TUSC3: variants seen among roughly 807,000 people sequenced by gnomAD.
TUSC3 encodes tumor suppressor candidate 3.
A neutral mutation model predicts 44.8 loss-of-function variants in TUSC3; 45 were observed. That is an observed-to-expected ratio of 1.00 (90% CI 0.79 to 1.29). The LOEUF (loss-of-function observed/expected upper bound fraction) is 1.29, where lower values mean the gene tolerates loss of function less well. Among genes scored for constraint, TUSC3 ranks in the 50% most tolerant of loss-of-function variants. TUSC3 has a pLI of 0.00. For synonymous variants in TUSC3, 212 were observed against 152.9 expected (o/e 1.39, Z -2.85); for missense variants, 519 against 437.9 (o/e 1.19, Z -1.65).
intron 1 of TUSC3, among the ~76,000 whole-genome samples, chr8:15,600,178 A>G (rs1388724396): frequency 6.6e-6 from 1 of 151,778 alleles, no homozygotes; most frequent in African/African-American, 2.4e-5. Context: ...GTCCTATAAA[A>G]TTCTAATTCA....
chr8:15,478,039 A>G (rs926875446), intron 1 of TUSC3, among the ~76,000 whole-genome samples: 3 of 151,864 alleles, frequency 2.0e-5, no homozygotes, highest in Non-Finnish European at 4.4e-5. Flanking sequence ...CTCACTGCAA[A>G]CTCTGCCTCC....
At chr8:15,464,678 A>G (rs746699708) in intron 1 of TUSC3, among the ~76,000 whole-genome samples, 11 of 152,202 alleles carry the variant, frequency 7.2e-5, no homozygotes, top group Non-Finnish European at 1.5e-4. Flanking sequence ...TTTAATTTTT[A>G]ACCAAAATGT....
rs777068372 is a variant in TUSC3 at position 15,623,185 on chromosome 8, C to T, written c.244C>T (p.Arg82Ter). The T allele has an allele frequency of 5.0e-6, 8 of 1,613,542 alleles. No homozygotes were observed. The highest frequency in any genetic ancestry group is 5.1e-6 in the Non-Finnish European group (6 of 1,179,736). Residue 82 changes from arginine to a stop codon, truncating the protein, a stop_gained, in exon 2 of 11, where the codon CGA becomes TGA. Coordinates refer to ENST00000503731, the MANE Select transcript of TUSC3 (RefSeq NM_006765.4). LOFTEE classifies it high-confidence loss of function. ...CCGAAAATTTATAAAGGCACCACCTCGAAACTATTCCATGATTGTTATGTT... is the reference window on the plus strand; with the variant it reads ...CCGAAAATTTATAAAGGCACCACCTTGAAACTATTCCATGATTGTTATGTT... The part of the protein sequence containing the change: ...KFRKFIKAPP[R>*]NYSMIVMFTA...
intron 1 of TUSC3, among the ~76,000 whole-genome samples, chr8:15,434,384 G>C (rs7813606): frequency 2.0e-5 from 3 of 151,886 alleles, no homozygotes; most frequent in Non-Finnish European, 4.4e-5. Context: ...TTCTTGCAAC[G>C]CAAATTGTAC....
chr8:15,549,318 C>T lies in TUSC3; in HGVS notation c.138+8750C>T, dbSNP rs547443464. ...CCACCTGAGGAGCTGGGATTACAGG[C>T]GCACGCCACCACATCTGGCTGATTT... is the stretch of plus-strand genomic sequence containing the variant. On this transcript the variant is annotated intron_variant, in intron 1 of 10. Transcript: ENST00000503731. Among the ~76,000 whole-genome samples the T allele has an allele frequency of 7.3e-5, 11 of 151,724 alleles. No individual in the cohort carries two copies. The East Asian group carries it at 1.4e-3, about 19-fold the overall frequency.
At chr8:15,785,583 G>A in the TUSC3 span, among the ~76,000 whole-genome samples, 1 of 151,782 alleles carries the variant, frequency 6.6e-6, no homozygotes, top group Non-Finnish European at 1.5e-5. Flanking sequence ...TTGTTTTAGA[G>A]ATAAGTAAAT....
chr8:15,687,782 T>G (rs1244035100), intron 6 of TUSC3, among the ~76,000 whole-genome samples: 1 of 152,196 alleles, frequency 6.6e-6, no homozygotes, highest in Non-Finnish European at 1.5e-5. Context: ...CATAGATAAA[T>G]AAATCTTTCT....
chr8:15,641,010 A>G (rs1227744061), intron 2 of TUSC3, among the ~76,000 whole-genome samples: 1 of 152,080 alleles, frequency 6.6e-6, no homozygotes, highest in Admixed American at 6.6e-5. Flanking sequence ...CCTCTTTGCC[A>G]TGTATACTGA....
intron 1 of TUSC3, among the ~76,000 whole-genome samples, chr8:15,457,724 T>C (rs556771170): frequency 1.4e-4 from 21 of 148,576 alleles, no homozygotes; most frequent in African/African-American, 5.1e-4. Flanking sequence ...AATAATCTAA[T>C]AAAATAAAAT....
chr8:15,837,112 G>A, the TUSC3 span, among the ~76,000 whole-genome samples: 42 of 152,148 alleles, frequency 2.8e-4, no homozygotes, highest in African/African-American at 9.9e-4. Flanking sequence ...TTGTTCTACT[G>A]TCTGCTGGCA....
At chr8:15,473,441 A>G (rs1228379201) in intron 1 of TUSC3, among the ~76,000 whole-genome samples, 1 of 152,232 alleles carries the variant, frequency 6.6e-6, no homozygotes, top group Admixed American at 6.5e-5. Flanking sequence ...TTGCTCTTCA[A>G]CTTGAAGTCT....
chr8:15,656,467 G>A (rs138405232), intron 3 of TUSC3, among the ~76,000 whole-genome samples: 130 of 152,292 alleles, frequency 8.5e-4, no homozygotes, highest in African/African-American at 3.1e-3. Context: ...CTCCAAGTAA[G>A]TCCAAAAACT....
At chr8:15,601,358 C>G (rs1170468706) in intron 1 of TUSC3, among the ~76,000 whole-genome samples, 2 of 151,588 alleles carry the variant, frequency 1.3e-5, no homozygotes, top group Non-Finnish European at 3.0e-5. Context: ...ATGGAAGGCC[C>G]AAGTGTCTAA....
intron 10 of TUSC3, chr8:15,758,302 TA>T (rs994661367): frequency 1.0e-6 from 1 of 954,806 alleles, no homozygotes; most frequent in Non-Finnish European, 1.2e-6. Flanking sequence ...AAAACTTTTT[TA>T]AAATCAACAT....
intron 1 of TUSC3, among the ~76,000 whole-genome samples, chr8:15,440,095 G>T (rs1265929424): frequency 6.6e-6 from 1 of 152,200 alleles, no homozygotes; most frequent in African/African-American, 2.4e-5. Flanking sequence ...ACTACAAGCT[G>T]AGATAATTGC....
chr8:15,430,611 G>A (rs1799861793), intron 1 of TUSC3, among the ~76,000 whole-genome samples: 1 of 151,446 alleles, frequency 6.6e-6, no homozygotes, highest in South Asian at 2.1e-4. Flanking sequence ...TCAACATAGT[G>A]TTGGAAGTTC....
At chr8:15,564,134 A>G (rs1802580091) in intron 1 of TUSC3, among the ~76,000 whole-genome samples, 1 of 152,114 alleles carries the variant, frequency 6.6e-6, no homozygotes, top group Admixed American at 6.5e-5. Flanking sequence ...TTAAAGTATT[A>G]GTTTAGATTT....
rs543638947 is a variant in TUSC3 at position 15,584,614 on chromosome 8, G to A, written c.139-38466G>A. On this transcript the variant is annotated intron_variant, in intron 1 of 10. Coordinates refer to ENST00000503731, the MANE Select transcript of TUSC3 (RefSeq NM_006765.4). ...GGTAAGAAATGGTAAAGGCTTCCTAGGTAATTGAGTCAATACAGTTTTGAC... is the reference window on the plus strand; with the variant it reads ...GGTAAGAAATGGTAAAGGCTTCCTAAGTAATTGAGTCAATACAGTTTTGAC... Among the ~76,000 whole-genome samples the A allele has an allele frequency of 2.0e-4, 31 of 152,212 alleles. 1 individual carries two copies. The South Asian group carries it at 6.0e-3, about 30-fold the overall frequency.
chr8:15,427,093 A>ATTTTTTTTTTTTATTT (rs1799813248), intron 1 of TUSC3, among the ~76,000 whole-genome samples: 1 of 121,752 alleles, frequency 8.2e-6, no homozygotes. Context: ...TTTTTTTGCC[A>ATTTTTTTTTTTTATTT]TTGATTTGTA....
Sources: allele counts gnomAD v4.1 joint callset (sites outside exome capture counted in the v4.1 genomes callset), GRCh38; gene constraint gnomAD v4.1.1; transcripts MANE v1.5; gene names NCBI Gene and HGNC (gene_info 2026-07-23, HGNC 2026-07-21).